Variants in METTL6 observed in about 807,000 individuals in gnomAD.
METTL6 encodes the protein tRNA N(3)-cytidine methyltransferase METTL6.
In METTL6, 22 loss-of-function variants were observed where a neutral mutation model predicts 26.4. That is an observed-to-expected ratio of 0.83 (90% CI 0.59 to 1.19). The LOEUF (loss-of-function observed/expected upper bound fraction) is 1.19. Among genes scored for constraint, METTL6 ranks in the 50% most tolerant of loss-of-function variants. METTL6 has a pLI of 0.00. For synonymous variants in METTL6, 109 were observed against 116.2 expected, an observed-to-expected ratio of 0.94 and a Z score of 0.40; for missense variants, 304 against 324.8, an observed-to-expected ratio of 0.94 and a Z score of 0.49.
chr3:15,423,040 T>C (rs967268705), intron 3 of METTL6, among the ~76,000 whole-genome samples: 7 of 152,346 alleles, frequency 4.6e-5, no homozygotes, highest in African/African-American at 1.7e-4. Context: ...TGGCTTCATC[T>C]GTCATCAATG....
At position 15,425,050 on chromosome 3, in the gene METTL6, C is replaced by A; in HGVS notation, c.265G>T (p.Gly89Trp). 6.2e-6 allele frequency: 10 copies of A among 1,614,198 alleles called. No individual in the cohort carries two copies. The highest frequency in any genetic ancestry group is 7.6e-6 in the Non-Finnish European group (9 of 1,180,038). The change falls in exon 3 of 6, where the codon GGG becomes TGG. Residue 89 changes from glycine to tryptophan, a missense_variant. Coordinates refer to ENST00000383790, the MANE Select transcript of METTL6 (RefSeq NM_152396.4). ...AGTGGGAATAAACAGTTTCCAACCC[C>A]ACAGCCAGCTTCAAGCATTGTTAAC... is the stretch of plus-strand genomic sequence containing the variant. ...QKLTMLEAGCGVGNCLFPLLE... is the reference protein window; with the variant it reads ...QKLTMLEAGCWVGNCLFPLLE...
At chr3:15,422,387 G>T (rs945411378) in intron 3 of METTL6, among the ~76,000 whole-genome samples, 26 of 152,116 alleles carry the variant, frequency 1.7e-4, no homozygotes, top group African/African-American at 6.0e-4. Context: ...CCAGCACTTT[G>T]GGAGGCCAAG....
chr3:15,417,139 TG>T (rs1700240820), intron 3 of METTL6, among the ~76,000 whole-genome samples: 1 of 152,112 alleles, frequency 6.6e-6, no homozygotes, highest in South Asian at 2.1e-4. Flanking sequence ...CAAGCTAGCC[TG>T]GAAAACAGAG....
chr3:15,424,769 T>C (rs1373205120), intron 3 of METTL6, among the ~76,000 whole-genome samples, 186 bp downstream of exon 3: 1 of 152,228 alleles, frequency 6.6e-6, no homozygotes, highest in Non-Finnish European at 1.5e-5. Context: ...TTTCCTGCTT[T>C]TCTTGAATAA....
At chr3:15,395,595 C>T (rs972117264) in intron 6 of METTL6, among the ~76,000 whole-genome samples, 10 of 151,930 alleles carry the variant, frequency 6.6e-5, no homozygotes, top group African/African-American at 1.7e-4. Flanking sequence ...TTCCTAGTCT[C>T]GATGGTCTTT....
rs1164143560 is a variant in METTL6 at position 15,410,848 on chromosome 3, GCGTAC to G, written c.*403_*407del. On this transcript the variant is annotated 3_prime_UTR_variant, in exon 6 of 6. Coordinates refer to ENST00000383790, the MANE Select transcript of METTL6 (RefSeq NM_152396.4). Reference sequence around the variant, plus strand: ...ATCACACACCACTGCACTCCAGCCTGCGTACCACAAGATCCTGTCTCAAAAAATAT... The same window carrying G: ...ATCACACACCACTGCACTCCAGCCTGCACAAGATCCTGTCTCAAAAAATAT... Among the ~76,000 whole-genome samples, 1 of 152,046 alleles carries G rather than the reference GCGTAC, an allele frequency of 6.6e-6. No individual in the cohort carries two copies. The highest frequency in any genetic ancestry group is 2.4e-5 in the African/African-American group (1 of 41,402).
At chr3:15,397,181 T>G (rs1174170617) in intron 6 of METTL6, among the ~76,000 whole-genome samples, 1 of 152,194 alleles carries the variant, frequency 6.6e-6, no homozygotes, top group African/African-American at 2.4e-5. Flanking sequence ...GCCTCAGCAA[T>G]GGCGGGCGCC....
At chr3:15,419,237 T>C (rs2061556529) in intron 3 of METTL6, among the ~76,000 whole-genome samples, 1 of 151,854 alleles carries the variant, frequency 6.6e-6, no homozygotes, top group Non-Finnish European at 1.5e-5. Flanking sequence ...GAAGAAATGT[T>C]TGCAACATAC....
rs1699898346 is a variant in METTL6 at position 15,409,811 on chromosome 3, T to C, written c.*1445A>G. On this transcript the variant is annotated 3_prime_UTR_variant, in exon 6 of 6. Coordinates refer to ENST00000383790, the MANE Select transcript of METTL6 (RefSeq NM_152396.4). ...AGTGGTATTTGTGGAACACTGGTTT[T>C]GAAGAAATACATAACTGAACTAAAG... Among the ~76,000 whole-genome samples the C allele has an allele frequency of 1.3e-5, 2 of 152,186 alleles. No homozygotes were observed. Among genetic ancestry groups the C allele is most frequent in the Admixed American group, 1.3e-4 (2 of 15,258 alleles).
intron 3 of METTL6, among the ~76,000 whole-genome samples, chr3:15,420,416 G>A (rs11918509): frequency 0.13 from 20,396 of 152,184 alleles, 2,594 homozygotes; most frequent in African/African-American, 0.34. Context: ...AGGGTAGTAA[G>A]TAACACATTT....
chr3:15,384,613 C>G (rs1699145255), intron 6 of METTL6: 2 of 153,592 alleles, frequency 1.3e-5, no homozygotes, highest in African/African-American at 4.8e-5. Context: ...ATGGCACACA[C>G]CTGTAGCCTC....
chr3:15,413,721 C>T (rs1402025602), intron 5 of METTL6: 17 of 1,313,712 alleles, frequency 1.3e-5, no homozygotes, highest in Non-Finnish European at 1.6e-5. Flanking sequence ...TCTGACTTGC[C>T]CTCCCTCTTA....
chr3:15,401,536 C>CAAAAAAAAAAAAAAAAAAAAAAAAA (rs35578326), intron 6 of METTL6, among the ~76,000 whole-genome samples: 1 of 71,848 alleles, frequency 1.4e-5, no homozygotes, highest in Non-Finnish European at 2.7e-5. Context: ...ATGTTCACGC[C>CAAAAAAAAAAAAAAAAAAAAAAAAA]AAAAAAAAAA....
At chr3:15,406,729 C>T (rs916088476), downstream of METTL6, among the ~76,000 whole-genome samples, 1 of 149,850 alleles carries the variant, frequency 6.7e-6, no homozygotes, top group Admixed American at 6.7e-5. Flanking sequence ...TCACTGCAAC[C>T]GCCACCTCCC....
intron 6 of METTL6, among the ~76,000 whole-genome samples, chr3:15,400,985 C>T (rs1164861224): frequency 6.6e-6 from 1 of 152,068 alleles, no homozygotes; most frequent in East Asian, 1.9e-4. Flanking sequence ...ACCTCAGCTT[C>T]CTGAATAGCT....
chr3:15,397,062 G>A (rs1699507715), intron 6 of METTL6, among the ~76,000 whole-genome samples: 1 of 152,212 alleles, frequency 6.6e-6, no homozygotes, highest in Non-Finnish European at 1.5e-5. Context: ...CCTTTTGTTT[G>A]GCTATGCCCG....
chr3:15,423,041 G>A (rs1239600113), intron 3 of METTL6, among the ~76,000 whole-genome samples: 1 of 152,198 alleles, frequency 6.6e-6, no homozygotes, highest in African/African-American at 2.4e-5. Flanking sequence ...GGCTTCATCT[G>A]TCATCAATGT....
intron 6 of METTL6, among the ~76,000 whole-genome samples, chr3:15,401,213 A>G (rs1026437388): frequency 2.0e-5 from 3 of 151,574 alleles, no homozygotes; most frequent in Admixed American, 6.6e-5. Context: ...CTAATTTTTT[A>G]TATTTTTAGT....
At position 15,421,933 on chromosome 3, in the gene METTL6, A is replaced by G. The variant is rs151116050; in HGVS notation, c.360+3022T>C. Among the ~76,000 whole-genome samples the G allele has an allele frequency of 8.5e-5, 13 of 152,194 alleles. No homozygotes were observed. In the East Asian group the frequency reaches 2.3e-3, roughly 27 times the overall value. ...ATCTCAAATTAAAAAATAAAATAAAATAATTTTTTTTTGTAGAGACAGAGT... is the reference window on the plus strand; with the variant it reads ...ATCTCAAATTAAAAAATAAAATAAAGTAATTTTTTTTTGTAGAGACAGAGT... On this transcript the variant is annotated intron_variant, in intron 3 of 5. Coordinates refer to ENST00000383790, the MANE Select transcript of METTL6 (RefSeq NM_152396.4).
Sources: allele counts gnomAD v4.1 joint callset (sites outside exome capture counted in the v4.1 genomes callset), GRCh38; gene constraint gnomAD v4.1.1; transcripts MANE v1.5; gene names NCBI Gene and HGNC (gene_info 2026-07-23, HGNC 2026-07-21).